EYS: variants seen among roughly 807,000 people sequenced by gnomAD.
EYS encodes protein eyes shut homolog.
In EYS, 250 loss-of-function variants were observed where a neutral mutation model predicts 282.1. That is an observed-to-expected ratio of 0.89 (90% confidence interval 0.80 to 0.98). The LOEUF (loss-of-function observed/expected upper bound fraction) is 0.98. Ranked by LOEUF, EYS falls within the 50% of genes least tolerant of loss-of-function variation. EYS has a pLI of 0.00. For missense variants in EYS, 4,016 were observed against 3,709.0 expected, an observed-to-expected ratio of 1.08 and a Z score of -2.15; for synonymous variants, 1,355 against 1,282.9, an observed-to-expected ratio of 1.06 and a Z score of -1.20.
intron 2 of EYS, among the ~76,000 whole-genome samples, chr6:65,608,728 A>G (rs1765889667): frequency 6.6e-6 from 1 of 152,026 alleles, no homozygotes; most frequent in Non-Finnish European, 1.5e-5. Flanking sequence ...TCCTTACTAT[A>G]TAAGCTTTTT....
intron 29 of EYS, among the ~76,000 whole-genome samples, chr6:64,337,133 G>C (rs1770882126): frequency 6.6e-6 from 1 of 151,938 alleles, no homozygotes; most frequent in South Asian, 2.1e-4. Flanking sequence ...GATCAGGGCA[G>C]AACTAAATGA....
intron 33 of EYS, among the ~76,000 whole-genome samples, chr6:64,056,599 T>C (rs918152019): frequency 5.3e-5 from 8 of 152,194 alleles, no homozygotes; most frequent in African/African-American, 1.9e-4. Context: ...TTTCTGCTAC[T>C]GCACCCTAGT....
intron 26 of EYS, among the ~76,000 whole-genome samples, chr6:64,551,660 C>T (rs556534291): frequency 9.9e-5 from 15 of 151,860 alleles, no homozygotes; most frequent in African/African-American, 3.6e-4. Context: ...ACTCAGCCTC[C>T]TGAGTACCAA....
Position 65,169,266 on chromosome 6 carries a change from G to A in EYS, c.2024-111539C>T, listed in dbSNP as rs376975334. Among the ~76,000 whole-genome samples, 30 of 151,508 alleles carry A rather than the reference G, an allele frequency of 2.0e-4. No homozygotes were observed. In the East Asian group the frequency reaches 5.7e-3, roughly 29 times the overall value. On this transcript the variant is annotated intron_variant, in intron 12 of 42. Transcript: ENST00000503581. The stretch of plus-strand genomic sequence containing the variant: ...GGAAAAGGCCAAGAGCTGAGTTGGT[G>A]CACTATATTAGTACCACAGGGAATA...
chr6:64,145,707 C>G (rs540967551), intron 31 of EYS, among the ~76,000 whole-genome samples: 4 of 151,930 alleles, frequency 2.6e-5, no homozygotes, highest in African/African-American at 7.3e-5. Context: ...AATAATTGAG[C>G]GAAAAAATAA....
intron 2 of EYS, among the ~76,000 whole-genome samples, chr6:65,530,582 G>A (rs2127307736): frequency 6.6e-6 from 1 of 152,188 alleles, no homozygotes; most frequent in Middle Eastern, 3.4e-3. Context: ...CATAATTTTT[G>A]TATCATTCCA....
At chr6:64,053,957 CTAAT>C (rs1018109682) in intron 33 of EYS, among the ~76,000 whole-genome samples, 6 of 152,140 alleles carry the variant, frequency 3.9e-5, no homozygotes, top group African/African-American at 1.4e-4. Flanking sequence ...ACATACTTAA[CTAAT>C]CCCTTTTAGT....
intron 30 of EYS, among the ~76,000 whole-genome samples, chr6:64,231,732 A>C (rs890125967): frequency 4.6e-5 from 7 of 152,130 alleles, no homozygotes; most frequent in Non-Finnish European, 8.8e-5. Flanking sequence ...CCTCCACACA[A>C]AAGTTTCTCA....
At chr6:63,834,258 T>C (rs1244156031) in intron 36 of EYS, among the ~76,000 whole-genome samples, 2 of 152,016 alleles carry the variant, frequency 1.3e-5, no homozygotes, top group Non-Finnish European at 2.9e-5. Flanking sequence ...GAAACTACCA[T>C]GAGAGTGAAC....
chr6:64,930,512 A>G (rs1768684114), intron 15 of EYS, among the ~76,000 whole-genome samples: 1 of 151,210 alleles, frequency 6.6e-6, no homozygotes, highest in Non-Finnish European at 1.5e-5. Flanking sequence ...AACACATTAA[A>G]ACTTTCATAG....
chr6:64,772,017 TAAG>T (rs1233502533), intron 22 of EYS, among the ~76,000 whole-genome samples: 1 of 151,800 alleles, frequency 6.6e-6, no homozygotes, highest in Non-Finnish European at 1.5e-5. Flanking sequence ...GTTAATATAA[TAAG>T]AAATATCCTG....
At chr6:64,501,986 T>G (rs1698296133) in intron 26 of EYS, among the ~76,000 whole-genome samples, 1 of 152,158 alleles carries the variant, frequency 6.6e-6, no homozygotes, top group African/African-American at 2.4e-5. Context: ...CTCAATTGCC[T>G]CATTTACAGA....
chr6:65,341,483 T>C (rs555535821), intron 10 of EYS, among the ~76,000 whole-genome samples: 2 of 151,370 alleles, frequency 1.3e-5, no homozygotes, highest in South Asian at 4.1e-4. Flanking sequence ...AGATTATTTA[T>C]TTGACAGATC....
At chr6:64,707,560 T>G (rs991739004) in intron 22 of EYS, among the ~76,000 whole-genome samples, 1 of 150,960 alleles carries the variant, frequency 6.6e-6, no homozygotes, top group African/African-American at 2.4e-5. Context: ...TCCCAGCTAC[T>G]CCGGAGGCTG....
chr6:64,545,418 C>T (rs1057162291), intron 26 of EYS, among the ~76,000 whole-genome samples: 8 of 152,054 alleles, frequency 5.3e-5, no homozygotes, highest in East Asian at 1.9e-4. Context: ...AATATCATAC[C>T]GAATGAGCAA....
chr6:64,768,449 C>A (rs1042597237), intron 22 of EYS, among the ~76,000 whole-genome samples: 1 of 152,086 alleles, frequency 6.6e-6, no homozygotes, highest in African/African-American at 2.4e-5. Flanking sequence ...ATGGTTGAAT[C>A]AGAATCTGAT....
chr6:65,142,565 G>C (rs1462236848), intron 12 of EYS, among the ~76,000 whole-genome samples: 1 of 149,368 alleles, frequency 6.7e-6, no homozygotes, highest in Non-Finnish European at 1.5e-5. Context: ...TACTATAGCA[G>C]ATGTAACTAC....
intron 22 of EYS, among the ~76,000 whole-genome samples, chr6:64,719,038 C>A (rs1268453678): frequency 6.6e-6 from 1 of 152,182 alleles, no homozygotes; most frequent in Non-Finnish European, 1.5e-5. Context: ...CAGAAAGATG[C>A]AGCAGAGGAA....
chr6:64,703,451 A>C lies in EYS; in HGVS notation c.3444-77206T>G, dbSNP rs1173866781. Among the ~76,000 whole-genome samples the C allele has an allele frequency of 6.9e-4, 13 of 18,928 alleles. No individual in the cohort carries two copies. The South Asian group carries it at 0.015, about 22-fold the overall frequency. 12.4% of individuals were successfully genotyped at this position (18,928 alleles called of 152,430 possible). On this transcript the variant is annotated intron_variant, in intron 22 of 42. Transcript: ENST00000503581. ...TATATTTTTTTTTTTTTTTTTTGAG[A>C]TGGAGCCTTGCTCTGTCACCCAGGC...
Sources: gnomAD v4.1 joint callset for allele counts (sites outside exome capture counted in the v4.1 genomes callset) on GRCh38, gnomAD v4.1.1 for gene constraint, MANE v1.5 for transcripts, NCBI Gene and HGNC (gene_info 2026-07-23, HGNC 2026-07-21) for gene names.